The following TRPM3 variants were observed in gnomAD, a reference collection of about 807,000 sequenced individuals.
TRPM3 encodes long transient receptor potential channel 3.
A neutral mutation model predicts 181.2 loss-of-function variants in TRPM3; 77 were observed. The ratio of observed to expected loss-of-function variants is 0.42; its 90% CI spans 0.35 to 0.51. TRPM3 has a LOEUF of 0.51. Among genes scored for constraint, TRPM3 ranks in the 20% least tolerant of loss-of-function variants. TRPM3 has a pLI of 0.01. For synonymous variants in TRPM3, 745 were observed against 796.4 expected (o/e 0.94, Z 1.09); for missense variants, 1,759 against 2,196.7 (o/e 0.80, Z 3.98).
intron 1 of TRPM3, among the ~76,000 whole-genome samples, chr9:71,343,279 T>C (rs1463864020): frequency 2.0e-5 from 3 of 152,122 alleles, no homozygotes; most frequent in Non-Finnish European, 4.4e-5. Context: ...CAACTATATT[T>C]CACAATAATA....
chr9:70,857,457 C>T (rs1564608297), intron 3 of TRPM3, among the ~76,000 whole-genome samples: 1 of 152,134 alleles, frequency 6.6e-6, no homozygotes. Context: ...CCTTCCTGCT[C>T]ACAGCTTTTG....
intron 1 of TRPM3, among the ~76,000 whole-genome samples, chr9:70,891,396 A>C (rs1180746711): frequency 6.6e-6 from 1 of 152,212 alleles, no homozygotes; most frequent in Admixed American, 6.5e-5. Flanking sequence ...AAAATGAAAA[A>C]AGCAGAATTA....
chr9:70,607,868 T>C (rs2061434303), intron 19 of TRPM3, among the ~76,000 whole-genome samples: 1 of 152,222 alleles, frequency 6.6e-6, no homozygotes, highest in African/African-American at 2.4e-5. Context: ...TCTCTCTCTG[T>C]CTCTCACTAC....
intron 21 of TRPM3, among the ~76,000 whole-genome samples, chr9:70,597,161 G>A (rs1416535081): frequency 2.0e-5 from 3 of 152,052 alleles, no homozygotes; most frequent in African/African-American, 7.3e-5. Context: ...TCGAACTCCC[G>A]ACCTCAGGTG....
chr9:70,854,263 G>T (rs138450983), intron 3 of TRPM3, among the ~76,000 whole-genome samples: 2 of 152,304 alleles, frequency 1.3e-5, no homozygotes, highest in East Asian at 3.9e-4. Context: ...TTACTCTGAT[G>T]TGGTGCTCCC....
At chr9:70,819,150 C>G (rs1431344508) in intron 6 of TRPM3, among the ~76,000 whole-genome samples, 4 of 152,192 alleles carry the variant, frequency 2.6e-5, no homozygotes, top group Non-Finnish European at 5.9e-5. Flanking sequence ...CTGTTGGTAT[C>G]TGGGCCAGGC....
chr9:70,793,195 C>G (rs145383327), intron 6 of TRPM3, among the ~76,000 whole-genome samples: 2 of 152,058 alleles, frequency 1.3e-5, no homozygotes, highest in African/African-American at 2.4e-5. Flanking sequence ...TGGCTTATGC[C>G]GTAATCCCAG....
chr9:71,310,214 T>G (rs1004395795), intron 1 of TRPM3, among the ~76,000 whole-genome samples: 5 of 152,070 alleles, frequency 3.3e-5, no homozygotes. Context: ...GTAACTGAAA[T>G]TATAATCTAT....
intron 1 of TRPM3, among the ~76,000 whole-genome samples, chr9:71,197,723 T>C (rs943818245): frequency 1.5e-4 from 23 of 151,188 alleles, no homozygotes; most frequent in South Asian, 8.5e-4. Flanking sequence ...GGGTTGTTTG[T>C]TTTTTTCTTG....
At chr9:70,951,608 C>T (rs549770249) in intron 1 of TRPM3, among the ~76,000 whole-genome samples, 6 of 152,262 alleles carry the variant, frequency 3.9e-5, no homozygotes, top group African/African-American at 1.4e-4. Context: ...TCCCAAATTG[C>T]TGGGATTACA....
At chr9:70,847,310 C>T (rs888731457) in intron 3 of TRPM3, among the ~76,000 whole-genome samples, 1 of 152,076 alleles carries the variant, frequency 6.6e-6, no homozygotes, top group African/African-American at 2.4e-5. Context: ...TATATAGATA[C>T]TCATTTAGGT....
At chr9:70,559,889 C>T (rs923733962) in intron 22 of TRPM3, among the ~76,000 whole-genome samples, 1 of 152,136 alleles carries the variant, frequency 6.6e-6, no homozygotes, top group Non-Finnish European at 1.5e-5. Flanking sequence ...AGGGACCATC[C>T]TGAGAGGGCT....
chr9:71,402,874 C>T (rs1463519913), intron 1 of TRPM3, among the ~76,000 whole-genome samples: 1 of 151,926 alleles, frequency 6.6e-6, no homozygotes, highest in Non-Finnish European at 1.5e-5. Flanking sequence ...TGAATCAGAG[C>T]CAGTGCACAG....
chr9:71,232,923 T>A (rs1281736699), intron 1 of TRPM3, among the ~76,000 whole-genome samples: 1 of 152,188 alleles, frequency 6.6e-6, no homozygotes, highest in East Asian at 1.9e-4. Flanking sequence ...AGTCCCCGTT[T>A]TCACACTGCT....
chr9:71,100,879 T>C (rs2068231734), intron 1 of TRPM3, among the ~76,000 whole-genome samples: 1 of 152,064 alleles, frequency 6.6e-6, no homozygotes. Context: ...AAGCTTAGAG[T>C]CGTAACACAA....
chr9:70,737,806 T>A (rs1174559710), intron 8 of TRPM3, among the ~76,000 whole-genome samples: 2 of 152,120 alleles, frequency 1.3e-5, no homozygotes, highest in African/African-American at 2.4e-5. Flanking sequence ...AAAGGACTAG[T>A]CCAATAGGAA....
At chr9:70,774,467 C>CTA (rs1464018542) in intron 7 of TRPM3, 3 of 151,992 alleles carry the variant, frequency 2.0e-5, no homozygotes, top group Non-Finnish European at 4.4e-5. Context: ...CAATGATGAA[C>CTA]TATTAGTAGT....
chr9:71,038,308 C>T (rs983836243), intron 1 of TRPM3, among the ~76,000 whole-genome samples: 29 of 152,056 alleles, frequency 1.9e-4, no homozygotes, highest in Admixed American at 1.5e-3. Context: ...TTACTAGTAA[C>T]GAAATAGAAG....
At chr9:71,378,341 G>A (rs2092714275) in intron 1 of TRPM3, among the ~76,000 whole-genome samples, 1 of 152,166 alleles carries the variant, frequency 6.6e-6, no homozygotes, top group African/African-American at 2.4e-5. Flanking sequence ...AACAGAACTT[G>A]CATATACTAT....
Sources: allele counts gnomAD v4.1 joint callset (sites outside exome capture counted in the v4.1 genomes callset), GRCh38; gene constraint gnomAD v4.1.1; transcripts MANE v1.5; gene names NCBI Gene and HGNC (gene_info 2026-07-23, HGNC 2026-07-21).